Variants in MYO10 observed in about 807,000 individuals in gnomAD.
MYO10 encodes myosin X.
In MYO10, 133 loss-of-function variants were observed where a neutral mutation model predicts 257.3. The ratio of observed to expected loss-of-function variants is 0.52; its 90% CI spans 0.45 to 0.60. MYO10 has a LOEUF of 0.60. Ranked by LOEUF, MYO10 falls within the 20% of genes least tolerant of loss-of-function variation. The pLI, the probability that MYO10 is intolerant of heterozygous loss-of-function variation, is 0.00. For synonymous variants in MYO10, 1,104 were observed against 1,028.6 expected, an observed-to-expected ratio of 1.07 and a Z score of -1.40; for missense variants, 2,399 against 2,635.7, an observed-to-expected ratio of 0.91 and a Z score of 1.97.
chr5:16,933,299 G>A (rs185708615), intron 1 of MYO10, among the ~76,000 whole-genome samples: 3 of 152,196 alleles, frequency 2.0e-5, no homozygotes, highest in East Asian at 1.9e-4. Context: ...CACACAGGAC[G>A]GCCTCCAACA....
chr5:16,772,588 A>G (rs1016884857), intron 9 of MYO10, among the ~76,000 whole-genome samples: 5 of 152,226 alleles, frequency 3.3e-5, no homozygotes, highest in African/African-American at 1.2e-4. Flanking sequence ...AACTAGTTCC[A>G]ATAGTTACTG....
At chr5:16,722,750 A>AG (rs1739199061) in intron 19 of MYO10, among the ~76,000 whole-genome samples, 1 of 152,244 alleles carries the variant, frequency 6.6e-6, no homozygotes, top group African/African-American at 2.4e-5. Flanking sequence ...ATGATAACAT[A>AG]GGAAATAATC....
intron 1 of MYO10, chr5:16,902,212 A>AT (rs34050297): frequency 0.3 from 167,312 of 561,578 alleles, 9,501 homozygotes; most frequent in Admixed American, 0.4. Context: ...GGCCCGGCTA[A>AT]TTTTTTTTTT....
chr5:16,927,441 C>T (rs1001880583), intron 1 of MYO10, among the ~76,000 whole-genome samples: 5 of 152,148 alleles, frequency 3.3e-5, no homozygotes, highest in African/African-American at 1.2e-4. Flanking sequence ...TCTCCTGCCT[C>T]ATCCTCCCGA....
At chr5:16,670,471 A>G in intron 39 of MYO10, 55 bp downstream of exon 39, 3 of 1,464,470 alleles carry the variant, frequency 2.0e-6, no homozygotes, top group Non-Finnish European at 2.8e-6. Flanking sequence ...GCCGTGATCC[A>G]TGTTCTCAGA....
intron 1 of MYO10, among the ~76,000 whole-genome samples, chr5:16,931,667 T>A (rs935480144): frequency 6.6e-6 from 1 of 152,086 alleles, no homozygotes; most frequent in Non-Finnish European, 1.5e-5. Flanking sequence ...AATAGAAATG[T>A]TTTCAAACTA....
chr5:16,796,202 A>AC (rs1741941521), intron 3 of MYO10, among the ~76,000 whole-genome samples: 2 of 69,406 alleles, frequency 2.9e-5, no homozygotes, highest in African/African-American at 8.7e-5. Flanking sequence ...AAAAAAAAAA[A>AC]AGAAAGAACA....
intron 2 of MYO10, among the ~76,000 whole-genome samples, chr5:16,847,997 C>T (rs1743686895): frequency 6.6e-6 from 1 of 152,142 alleles, no homozygotes; most frequent in Non-Finnish European, 1.5e-5. Flanking sequence ...AACTGATTAA[C>T]ATTGGTAATA....
At chr5:16,715,224 A>G (rs1738802720) in intron 19 of MYO10, among the ~76,000 whole-genome samples, 5 of 151,684 alleles carry the variant, frequency 3.3e-5, no homozygotes, top group Admixed American at 3.3e-4. Flanking sequence ...ATTGAGTGAG[A>G]AAAACAAGCT....
intron 19 of MYO10, among the ~76,000 whole-genome samples, chr5:16,750,134 C>T (rs1287365155): frequency 1.3e-5 from 2 of 152,130 alleles, no homozygotes; most frequent in African/African-American, 4.8e-5. Flanking sequence ...TCTGAAAACT[C>T]TAAGTTCAGA....
rs537899703 is a variant in MYO10 at position 16,808,529 on chromosome 5, C to T, written c.279+9480G>A. On this transcript the variant is annotated intron_variant, in intron 3 of 40. Coordinates refer to ENST00000513610, the MANE Select transcript of MYO10 (RefSeq NM_012334.3). The stretch of plus-strand genomic sequence containing the variant: ...AAACAATTTTTTAAAAATCGTGAAG[C>T]ATTCAAGTTTGTTGAAAATTAAACC... Among the ~76,000 whole-genome samples, 282 of 152,148 alleles carry T rather than the reference C, an allele frequency of 1.9e-3. 1 individual carries two copies. Among genetic ancestry groups the T allele is most frequent in the African/African-American group, 6.4e-3 (264 of 41,502 alleles).
intron 9 of MYO10, among the ~76,000 whole-genome samples, chr5:16,771,303 A>G (rs970126397): frequency 2.6e-5 from 4 of 152,140 alleles, no homozygotes; most frequent in African/African-American, 9.7e-5. Context: ...AAAGATTAGT[A>G]GAAAAGAGAC....
At chr5:16,753,848 G>C (rs950775564) in intron 19 of MYO10, among the ~76,000 whole-genome samples, 8 of 152,056 alleles carry the variant, frequency 5.3e-5, no homozygotes, top group Admixed American at 1.3e-4. Context: ...GCAACTGGTT[G>C]GCATTATAAA....
intron 4 of MYO10, among the ~76,000 whole-genome samples, chr5:16,786,890 C>T (rs947800125): frequency 2.0e-5 from 3 of 151,524 alleles, no homozygotes; most frequent in Non-Finnish European, 4.4e-5. Context: ...AATTTTTGGC[C>T]GGGGGCAGTA....
intron 1 of MYO10, among the ~76,000 whole-genome samples, chr5:16,935,265 G>A (rs1462258887): frequency 6.6e-6 from 1 of 152,030 alleles, no homozygotes. Context: ...AGCACTTCTC[G>A]GCGAGCAAAG....
intron 19 of MYO10, chr5:16,742,084 T>C: frequency 1.0e-6 from 1 of 985,404 alleles, no homozygotes; most frequent in Non-Finnish European, 1.2e-6. Context: ...TCAACAAATG[T>C]GTAATTACAT....
At chr5:16,851,467 T>C (rs1373395092) in intron 2 of MYO10, among the ~76,000 whole-genome samples, 1 of 152,206 alleles carries the variant, frequency 6.6e-6, no homozygotes, top group African/African-American at 2.4e-5. Context: ...TTGGGTCACA[T>C]GTTTGTTATT....
At chr5:16,681,650 G>A in intron 31 of MYO10, 147 bp from the exon 32 acceptor site, 2 of 1,070,338 alleles carry the variant, frequency 1.9e-6, no homozygotes, top group Non-Finnish European at 1.3e-6. Flanking sequence ...GATGTAAATG[G>A]AACGACTACA....
At chr5:16,738,891 A>T (rs1336556389) in intron 19 of MYO10, among the ~76,000 whole-genome samples, 1 of 15,708 alleles carries the variant, frequency 6.4e-5, no homozygotes, top group African/African-American at 5.1e-4. Context: ...ACTCCATCTC[A>T]AAAAAAAAAA....
Sources: allele counts gnomAD v4.1 joint callset (sites outside exome capture counted in the v4.1 genomes callset), GRCh38; gene constraint gnomAD v4.1.1; transcripts MANE v1.5; gene names NCBI Gene and HGNC (gene_info 2026-07-23, HGNC 2026-07-21).